RETREG1: variants seen among roughly 807,000 people sequenced by gnomAD.
RETREG1 encodes reticulophagy regulator 1.
A neutral mutation model predicts 54.8 loss-of-function variants in RETREG1; 44 were observed. The ratio of observed to expected loss-of-function variants is 0.80; its 90% CI spans 0.63 to 1.03. The LOEUF is 1.03. RETREG1 is among the 50% of genes least tolerant of loss of function. RETREG1 has a pLI of 0.00. For missense variants in RETREG1, 554 were observed against 605.1 expected (o/e 0.92, Z 0.89); for synonymous variants, 217 against 238.5 (o/e 0.91, Z 0.83).
chr5:16,512,486 C>A (rs1740210548), intron 3 of RETREG1, among the ~76,000 whole-genome samples: 1 of 152,098 alleles, frequency 6.6e-6, no homozygotes, highest in African/African-American at 2.4e-5. Context: ...TTTGCAATTT[C>A]ATCATATAGT....
At chr5:16,476,937 T>G (rs1293168517) in intron 8 of RETREG1, among the ~76,000 whole-genome samples, 1 of 152,090 alleles carries the variant, frequency 6.6e-6, no homozygotes, top group East Asian at 1.9e-4. Flanking sequence ...AATAAAAAGC[T>G]TTTTTAACTT....
At chr5:16,596,419 G>A (rs2126350601) in intron 1 of RETREG1, among the ~76,000 whole-genome samples, 1 of 152,328 alleles carries the variant, frequency 6.6e-6, no homozygotes, top group Non-Finnish European at 1.5e-5. Context: ...AGCTGCCAGA[G>A]TGGCTTTTTG....
At chr5:16,501,020 G>A (rs1739690363) in intron 3 of RETREG1, among the ~76,000 whole-genome samples, 1 of 152,082 alleles carries the variant, frequency 6.6e-6, no homozygotes, top group African/African-American at 2.4e-5. Context: ...TTTTCTCTAG[G>A]GGTAAACCAC....
chr5:16,557,021 G>A (rs1032347004), intron 3 of RETREG1, among the ~76,000 whole-genome samples: 5 of 152,148 alleles, frequency 3.3e-5, no homozygotes, highest in African/African-American at 1.2e-4. Flanking sequence ...GTAGAGACAG[G>A]GTTTCACCAT....
chr5:16,476,359 A>T (rs1738537450), intron 8 of RETREG1, among the ~76,000 whole-genome samples: 1 of 152,140 alleles, frequency 6.6e-6, no homozygotes, highest in Non-Finnish European at 1.5e-5. Context: ...ATCTGCTCAT[A>T]TGTTCAGTAT....
At chr5:16,542,817 C>T (rs908467150) in intron 3 of RETREG1, among the ~76,000 whole-genome samples, 12 of 152,314 alleles carry the variant, frequency 7.9e-5, no homozygotes, top group South Asian at 2.1e-4. Flanking sequence ...TATTAGTGCT[C>T]ATCGCTGGAT....
At chr5:16,553,343 A>G (rs1033904269) in intron 3 of RETREG1, among the ~76,000 whole-genome samples, 14 of 151,296 alleles carry the variant, frequency 9.3e-5, no homozygotes, top group Non-Finnish European at 5.9e-5. Flanking sequence ...AAAAAACACT[A>G]GTCCTAGAAG....
intron 1 of RETREG1, among the ~76,000 whole-genome samples, chr5:16,615,268 C>CG (rs1743466741): frequency 6.6e-6 from 1 of 151,382 alleles, no homozygotes; most frequent in African/African-American, 2.4e-5. Flanking sequence ...GGCGTGGTGG[C>CG]GGGCGCCTGT....
intron 5 of RETREG1, 38 bp downstream of exon 5, chr5:16,480,971 G>A: frequency 7.4e-7 from 1 of 1,359,266 alleles, no homozygotes; most frequent in Non-Finnish European, 1.1e-6. Context: ...GATACCATAT[G>A]CATCACAACA....
At chr5:16,498,997 C>T (rs1739587669) in intron 3 of RETREG1, among the ~76,000 whole-genome samples, 1 of 151,984 alleles carries the variant, frequency 6.6e-6, no homozygotes, top group Non-Finnish European at 1.5e-5. Flanking sequence ...CCCTAAAACA[C>T]ACATTGTATA....
intron 1 of RETREG1, among the ~76,000 whole-genome samples, chr5:16,576,288 CTTTT>C (rs1283495370): frequency 7.2e-6 from 1 of 139,658 alleles, no homozygotes; most frequent in Non-Finnish European, 1.5e-5. Flanking sequence ...AAGATTTTTT[CTTTT>C]TCTTTTTTTT....
chr5:16,565,491 C>G (rs1352968739), intron 3 of RETREG1, among the ~76,000 whole-genome samples: 4 of 152,116 alleles, frequency 2.6e-5, no homozygotes, highest in Non-Finnish European at 5.9e-5. Context: ...GAAAATGCCT[C>G]CCTCCCCTCC....
intron 3 of RETREG1, among the ~76,000 whole-genome samples, chr5:16,540,860 T>C (rs1741219692): frequency 6.6e-6 from 1 of 152,190 alleles, no homozygotes; most frequent in Non-Finnish European, 1.5e-5. Context: ...TTCCACTATG[T>C]CTATGTTAAC....
intron 3 of RETREG1, among the ~76,000 whole-genome samples, chr5:16,552,637 C>T (rs1240227688): frequency 1.3e-5 from 2 of 152,160 alleles, no homozygotes; most frequent in Non-Finnish European, 2.9e-5. Context: ...TCATATTCTC[C>T]ATTGATCTAT....
intron 3 of RETREG1, among the ~76,000 whole-genome samples, chr5:16,510,072 A>C (rs1344056145): frequency 1.3e-5 from 2 of 152,248 alleles, no homozygotes; most frequent in Non-Finnish European, 2.9e-5. Context: ...GTTATAGCTA[A>C]TCCTAGCATG....
At position 16,481,053 on chromosome 5, in the gene RETREG1, A is replaced by T; in HGVS notation, c.626T>A (p.Ile209Asn). 2 of 1,612,038 alleles carry T rather than the reference A, an allele frequency of 1.2e-6. No homozygotes were observed. The highest frequency in any genetic ancestry group is 1.1e-5 in the South Asian group (1 of 91,044). ...AACCCCAGGAATGTAACTTCCCAAG[A>T]TCGTAAAAAATGTGCACACACTACA... ...LVCSVCTFFTILGSYIPGVIL... is the reference protein window; with the variant it reads ...LVCSVCTFFTNLGSYIPGVIL... Residue 209 changes from isoleucine to asparagine, a missense_variant, in exon 5 of 9, where the codon ATC becomes AAC. By Grantham distance (149) the Ile-to-Asn change is moderately radical (BLOSUM62 -3). Around this residue, in one of 4 missense-constraint regions of RETREG1, gnomAD observed 347 missense variants for 412.3 expected, o/e 0.84. Coordinates refer to ENST00000306320, the MANE Select transcript of RETREG1 (RefSeq NM_001034850.3).
At chr5:16,613,195 C>A (rs1285963581) in intron 1 of RETREG1, among the ~76,000 whole-genome samples, 5 of 152,128 alleles carry the variant, frequency 3.3e-5, no homozygotes, top group African/African-American at 1.2e-4. Flanking sequence ...ACCTAGCCAA[C>A]CTTATCTCCC....
intron 3 of RETREG1, among the ~76,000 whole-genome samples, chr5:16,560,287 C>T (rs540936534): frequency 1.3e-5 from 2 of 152,298 alleles, no homozygotes; most frequent in South Asian, 4.1e-4. Context: ...TTGACAAAAG[C>T]AATTTTTCCC....
intron 3 of RETREG1, 22 bp from the exon 4 acceptor site, chr5:16,483,494 A>G: frequency 1.2e-6 from 2 of 1,611,816 alleles, no homozygotes; most frequent in Non-Finnish European, 1.7e-6. Context: ...AAAAGAAAAA[A>G]AATACTACTG....
Sources: gnomAD v4.1 joint callset for allele counts (sites outside exome capture counted in the v4.1 genomes callset) on GRCh38, gnomAD v4.1.1 for gene constraint, gnomAD v4.1.1 regional missense constraint, MANE v1.5 for transcripts, NCBI Gene and HGNC (gene_info 2026-07-23, HGNC 2026-07-21) for gene names.